The following ZDHHC24 variants were observed in gnomAD, a reference collection of about 807,000 sequenced individuals.
ZDHHC24 encodes probable palmitoyltransferase ZDHHC24.
In ZDHHC24, 17 loss-of-function variants were observed where a neutral mutation model predicts 23.2. That is an observed-to-expected ratio of 0.73 (90% CI 0.50 to 1.10). ZDHHC24 has a LOEUF of 1.10. ZDHHC24 is among the 50% of genes least tolerant of loss of function. The pLI is 0.00. For synonymous variants in ZDHHC24, 186 were observed against 194.5 expected, an observed-to-expected ratio of 0.96 and a Z score of 0.36; for missense variants, 366 against 393.0, an observed-to-expected ratio of 0.93 and a Z score of 0.58.
rs1433914709 is a variant in ZDHHC24, at chr11:66,538,066, C to T, written c.*1463G>A. ...AGGAATTCAAGTTCAGCCTGGCCAA[C>T]ATGGTGAAACCCTGTCTATACTAAA... On this transcript the variant is annotated 3_prime_UTR_variant, in exon 3 of 3. Coordinates refer to ENST00000310442, the MANE Select transcript of ZDHHC24 (RefSeq NM_207340.3). 3 of 152,138 alleles carry T rather than the reference C, an allele frequency of 2.0e-5. No individual in the cohort carries two copies. Among genetic ancestry groups the T allele is most frequent in the Non-Finnish European group, 4.4e-5 (3 of 68,042 alleles). The allele number at this position is 152,138 out of a possible 1,614,324, so 9.4% of individuals were successfully genotyped here.
downstream of ZDHHC24, among the ~76,000 whole-genome samples, chr11:66,530,629 G>T (rs1024184575): frequency 3.9e-5 from 6 of 152,168 alleles, no homozygotes; most frequent in Non-Finnish European, 7.4e-5. Flanking sequence ...GGCAGGGGGT[G>T]GGGGTGAGGG....
At chr11:66,534,400 G>A (rs188771640), downstream of ZDHHC24, among the ~76,000 whole-genome samples, 84 of 129,940 alleles carry the variant, frequency 6.5e-4, no homozygotes, top group East Asian at 0.017. Context: ...CCAAGATCGC[G>A]CCACTACACC....
rs1183524219 is a variant in ZDHHC24, at chr11:66,521,904, C to CAA, written c.*22-440_*22-439dup. ...TGGGTAACGGAGCGAGACTCCGTCT[C>CAA]AAAAAAAAAAAAAAAAAAAAAAAGC... On this transcript the variant is annotated intron_variant, in intron 4 of 4. Coordinates refer to the ZDHHC24 transcript ENST00000526986. 4.5e-3 allele frequency among the ~76,000 whole-genome samples: 162 copies of CAA among 35,814 alleles called. 1 individual carries two copies. Among genetic ancestry groups the CAA allele is most frequent in the Middle Eastern group, 0.018 (1 of 56 alleles). 23.5% of individuals were successfully genotyped at this position (35,814 alleles called of 152,430 possible). A position where few individuals can be genotyped will look rare whatever the true frequency, so the allele number is the denominator to read the frequency against.
In ZDHHC24 at chr11:66,545,109, G is replaced by C. The variant is rs1408087126; in HGVS notation, c.281+614C>G. ...GGCTGGAGTGCAGTGGCTCGATCTC[G>C]GCTCACTGCAACCTCCGCCTCCCAG... On this transcript the variant is annotated intron_variant, in intron 1 of 2. Coordinates refer to ENST00000310442, the MANE Select transcript of ZDHHC24 (RefSeq NM_207340.3). This position sits in a 1 kb window ranked among gnomAD's most constrained non-coding sequence, Gnocchi z 4.5. Among the ~76,000 whole-genome samples the C allele has an allele frequency of 6.6e-6, 1 of 152,008 alleles. No individual in the cohort carries two copies. Among genetic ancestry groups the C allele is most frequent in the South Asian group, 2.1e-4 (1 of 4,810 alleles).
chr11:66,526,060 A>G, intron 4 of ZDHHC24: 5 of 1,496,270 alleles, frequency 3.3e-6, no homozygotes, highest in Non-Finnish European at 9.3e-7. Context: ...TCCCCTACCC[A>G]TCCCCTGTCT....
chr11:66,523,479 G>T (rs529212299), intron 4 of ZDHHC24: 2 of 1,614,126 alleles, frequency 1.2e-6, no homozygotes, highest in South Asian at 2.2e-5. Context: ...CCCAAGTACT[G>T]CATCGAGCTG....
intron 2 of ZDHHC24, chr11:66,529,722 ACCCTC>A: frequency 6.8e-7 from 1 of 1,480,506 alleles, no homozygotes; most frequent in Non-Finnish European, 9.3e-7. Flanking sequence ...CTCCTCTTGC[ACCCTC>A]CCCACACCAA....
At chr11:66,542,796 T>C (rs891079256) in intron 2 of ZDHHC24, 6 of 152,428 alleles carry the variant, frequency 3.9e-5, no homozygotes, top group African/African-American at 1.5e-4. Context: ...GACCACAAGG[T>C]GGTAGGGCAG....
chr11:66,529,299 A>C, intron 3 of ZDHHC24: 1 of 1,535,750 alleles, frequency 6.5e-7, no homozygotes, highest in Non-Finnish European at 8.7e-7. Flanking sequence ...GGAGGCAGTG[A>C]CGGAGGCAGG....
intron 2 of ZDHHC24, among the ~76,000 whole-genome samples, 190 bp downstream of exon 2, chr11:66,543,514 G>T (rs936581495): frequency 7.2e-5 from 11 of 152,162 alleles, no homozygotes; most frequent in Non-Finnish European, 2.9e-5. Flanking sequence ...CCAGAACGCT[G>T]CACTTGTCTC....
In ZDHHC24 at chr11:66,543,907, C is replaced by T. The variant is rs748243763; in HGVS notation, c.356G>A (p.Arg119His). Reference sequence around the variant, plus strand: ...CAGCAGGCGGCAGTGGTGGTCCCGACGCAGGATGCAGACGCGGCAGGCAGA... The same window carrying T: ...CAGCAGGCGGCAGTGGTGGTCCCGATGCAGGATGCAGACGCGGCAGGCAGA... ...HCSACRVCIL[R>H]RDHHCRLLGR... Residue 119 changes from arginine to histidine, a missense_variant, in exon 2 of 3, where the codon CGT becomes CAT. By Grantham distance (29) the Arg-to-His change is conservative. Transcript: ENST00000310442. The T allele has an allele frequency of 1.2e-5, 19 of 1,613,878 alleles. No individual in the cohort carries two copies. In the Middle Eastern group the frequency reaches 9.9e-4, roughly 84 times the overall value.
intron 2 of ZDHHC24, among the ~76,000 whole-genome samples, chr11:66,540,594 T>G (rs11227525): frequency 0.22 from 32,686 of 149,722 alleles, 3,977 homozygotes; most frequent in East Asian, 0.27. Flanking sequence ...CGGGTGTGGT[T>G]GCGCACGCCC....
downstream of ZDHHC24, chr11:66,530,832 A>T: frequency 3.1e-6 from 5 of 1,609,462 alleles, no homozygotes; most frequent in Non-Finnish European, 4.3e-6. Flanking sequence ...GGCAGAGCAC[A>T]CTGTACTCCG....
In ZDHHC24 at chr11:66,545,758, C is replaced by T. The variant is rs779938859; in HGVS notation, c.246G>A (p.Val82=). ...FLRSDPSIRG[V]MLAGRGLGQG... is the part of the protein sequence containing the mutation. ...GGCCCAGACCGCGGCCGGCCAGCAT[C>T]ACGCCACGGATGCTGGGATCCGAGC... Residue 82 remains valine (V), a synonymous_variant, in exon 1 of 3, where the codon GTG becomes GTA. Transcript: ENST00000310442. This position sits in a 1 kb window ranked among gnomAD's most constrained non-coding sequence, Gnocchi z 4.5. 3.8e-5 allele frequency: 61 copies of T among 1,588,848 alleles called. No individual in the cohort carries two copies. Among genetic ancestry groups the T allele is most frequent in the Non-Finnish European group, 5.2e-5 (61 of 1,172,934 alleles).
chr11:66,529,776 A>AC (rs779591070), intron 2 of ZDHHC24: 6 of 1,604,104 alleles, frequency 3.7e-6, no homozygotes, highest in Admixed American at 1.7e-5. Context: ...CCTCCCTGCC[A>AC]CCCCCCACCT....
At chr11:66,540,643 G>T (rs572616424) in intron 2 of ZDHHC24, among the ~76,000 whole-genome samples, 1 of 151,352 alleles carries the variant, frequency 6.6e-6, no homozygotes, top group African/African-American at 2.4e-5. Flanking sequence ...CAGGATAATC[G>T]CTTGAACCCG....
At chr11:66,540,018 C>T (rs57288351) in intron 2 of ZDHHC24, among the ~76,000 whole-genome samples, 194 bp from the exon 3 acceptor site, 32,659 of 152,136 alleles carry the variant, frequency 0.21, 3,958 homozygotes, top group East Asian at 0.27. Flanking sequence ...ACTTGGGATA[C>T]GGCTTCATTC....
Position 66,545,501 on chromosome 11 carries a change from C to A in ZDHHC24, c.281+222G>T, listed in dbSNP as rs890402882. Among the ~76,000 whole-genome samples the A allele has an allele frequency of 2.6e-5, 4 of 152,180 alleles. No homozygotes were observed. The highest frequency in any genetic ancestry group is 5.9e-5 in the Non-Finnish European group (4 of 68,036). ...CAGGAATTTGTTCTATTGTACCCTT[C>A]GTCCCTGTAACAAAACCTTGCACCT... is the stretch of plus-strand genomic sequence containing the variant. On this transcript the variant is annotated intron_variant, in intron 1 of 2. Coordinates refer to ENST00000310442, the MANE Select transcript of ZDHHC24 (RefSeq NM_207340.3). The surrounding 1 kb of genome is among the most constrained non-coding windows in gnomAD (Gnocchi z 4.5).
chr11:66,523,896 C>T (rs780822511), intron 4 of ZDHHC24: 2 of 1,612,142 alleles, frequency 1.2e-6, no homozygotes, highest in South Asian at 1.1e-5. Flanking sequence ...AGCCCCATCT[C>T]CGGCATCTGC....
Sources: allele counts gnomAD v4.1 joint callset (sites outside exome capture counted in the v4.1 genomes callset), GRCh38; gene constraint gnomAD v4.1.1; non-coding constraint Gnocchi (gnomAD v3.1); transcripts MANE v1.5; gene names NCBI Gene and HGNC (gene_info 2026-07-23, HGNC 2026-07-21).